The following ADARB2 variants were observed in gnomAD, a reference collection of about 807,000 sequenced individuals.
ADARB2 encodes the protein inactive double-stranded RNA-specific editase B2.
In ADARB2, 25 loss-of-function variants were observed where a neutral mutation model predicts 62.2. The ratio of observed to expected loss-of-function variants is 0.40; its 90% CI spans 0.29 to 0.56. ADARB2 has a LOEUF of 0.56. Ranked by LOEUF, ADARB2 falls within the 20% of genes least tolerant of loss-of-function variation. The pLI is 0.43. For missense variants in ADARB2, 1,071 were observed against 1,077.4 expected (o/e 0.99, Z 0.08); for synonymous variants, 572 against 500.8 (o/e 1.14, Z -1.90).
chr10:1,697,727 C>T lies in ADARB2; in HGVS notation c.100+39324G>A, dbSNP rs147543466. On this transcript the variant is annotated intron_variant, in intron 1 of 9. Coordinates refer to ENST00000381312, the MANE Select transcript of ADARB2 (RefSeq NM_018702.4). ...GCAGTGTGAGTCCCCGGCGGGCTGA[C>T]GGAAAAGCCCGGAACCAGTTGGGGC... 5.3e-3 allele frequency among the ~76,000 whole-genome samples: 808 copies of T among 152,224 alleles called. 3 individuals are homozygous for T. The highest frequency in any genetic ancestry group is 0.027 in the Middle Eastern group (8 of 294).
At chr10:1,678,409 G>A (rs2119114590) in intron 1 of ADARB2, 1 of 880,460 alleles carries the variant, frequency 1.1e-6, no homozygotes, top group African/African-American at 1.8e-5. Flanking sequence ...GTGAGCGTCT[G>A]CGCACCTTCC....
chr10:1,402,010 CCT>C (rs1241084864), intron 1 of ADARB2, among the ~76,000 whole-genome samples: 1 of 152,180 alleles, frequency 6.6e-6, no homozygotes, highest in Non-Finnish European at 1.5e-5. Context: ...AAACACACAG[CCT>C]CTCTCATGAC....
chr10:1,688,184 T>A (rs1173308051), intron 1 of ADARB2, among the ~76,000 whole-genome samples: 3 of 152,122 alleles, frequency 2.0e-5, no homozygotes, highest in Admixed American at 2.0e-4. Context: ...ACCTGGGGGG[T>A]TGAGTCCCAG....
At chr10:1,359,215 G>A (rs1832226134) in intron 3 of ADARB2, among the ~76,000 whole-genome samples, 1 of 152,204 alleles carries the variant, frequency 6.6e-6, no homozygotes, top group African/African-American at 2.4e-5. Context: ...GAGCCAGGCA[G>A]GTGCACCTGA....
intron 1 of ADARB2, among the ~76,000 whole-genome samples, chr10:1,443,678 C>T (rs1295835457): frequency 2.0e-5 from 3 of 152,044 alleles, no homozygotes; most frequent in Non-Finnish European, 4.4e-5. Context: ...GCTGATTTCG[C>T]AGCTAATTCC....
At chr10:1,646,987 C>T (rs1480662010) in intron 1 of ADARB2, among the ~76,000 whole-genome samples, 1 of 152,186 alleles carries the variant, frequency 6.6e-6, no homozygotes. Context: ...GGAAAGGCCC[C>T]ACCATTTTTG....
intron 1 of ADARB2, among the ~76,000 whole-genome samples, chr10:1,485,614 C>G (rs1444629907): frequency 6.6e-6 from 1 of 152,222 alleles, no homozygotes; most frequent in African/African-American, 2.4e-5. Flanking sequence ...CTCTCCTGGT[C>G]TGATCCACAA....
chr10:1,233,177 C>T (rs567399349), intron 6 of ADARB2, among the ~76,000 whole-genome samples: 2 of 152,246 alleles, frequency 1.3e-5, no homozygotes, highest in African/African-American at 2.4e-5. Flanking sequence ...GCAGGGGCTG[C>T]GTGGATGCGT....
intron 1 of ADARB2, among the ~76,000 whole-genome samples, chr10:1,707,959 A>G (rs1181372194): frequency 6.6e-6 from 1 of 152,190 alleles, no homozygotes; most frequent in Admixed American, 6.5e-5. Context: ...ATCATGAAAA[A>G]TACTGTATTC....
chr10:1,279,740 G>C (rs1375069852), intron 3 of ADARB2, among the ~76,000 whole-genome samples: 1 of 152,106 alleles, frequency 6.6e-6, no homozygotes, highest in African/African-American at 2.4e-5. Flanking sequence ...TCCTTTCCTT[G>C]TTGCCTCTTT....
chr10:1,464,962 T>A (rs890707035), intron 1 of ADARB2, among the ~76,000 whole-genome samples: 2 of 152,230 alleles, frequency 1.3e-5, no homozygotes, highest in Admixed American at 1.3e-4. Flanking sequence ...CCACAGTGGC[T>A]TGGTTCATCG....
At chr10:1,651,868 C>T (rs1005241795) in intron 1 of ADARB2, among the ~76,000 whole-genome samples, 2 of 152,160 alleles carry the variant, frequency 1.3e-5, no homozygotes, top group Non-Finnish European at 2.9e-5. Context: ...AGGGTTGGTT[C>T]CCAGTGGGAG....
intron 1 of ADARB2, among the ~76,000 whole-genome samples, chr10:1,463,633 A>C (rs1285330069): frequency 6.6e-6 from 1 of 152,214 alleles, no homozygotes; most frequent in Non-Finnish European, 1.5e-5. Flanking sequence ...TTCTGTCTCA[A>C]CTTGTGCTAC....
At chr10:1,191,496 A>G (rs1836845289) in intron 8 of ADARB2, among the ~76,000 whole-genome samples, 1 of 152,102 alleles carries the variant, frequency 6.6e-6, no homozygotes, top group African/African-American at 2.4e-5. Flanking sequence ...TTTTTTTAGT[A>G]ATTGCTCCCA....
intron 1 of ADARB2, among the ~76,000 whole-genome samples, chr10:1,721,296 T>C (rs1835089280): frequency 6.6e-6 from 1 of 152,240 alleles, no homozygotes; most frequent in Non-Finnish European, 1.5e-5. Flanking sequence ...AGGTGACATT[T>C]TGCTGTATGT....
chr10:1,360,544 T>C (rs556211889), intron 3 of ADARB2, among the ~76,000 whole-genome samples: 61 of 152,334 alleles, frequency 4.0e-4, no homozygotes, highest in African/African-American at 1.4e-3. Context: ...CTTTTCATTT[T>C]TTCCCCCTGA....
intron 7 of ADARB2, among the ~76,000 whole-genome samples, chr10:1,201,364 A>G: frequency 9.1e-6 from 1 of 109,454 alleles, no homozygotes; most frequent in East Asian, 3.7e-4. Context: ...TACAATTTAA[A>G]CAGTCATTGA....
intron 1 of ADARB2, among the ~76,000 whole-genome samples, chr10:1,483,354 G>T (rs533559894): frequency 6.6e-6 from 1 of 152,142 alleles, no homozygotes; most frequent in African/African-American, 2.4e-5. Flanking sequence ...AGGAAACCCC[G>T]TTACTGAAAC....
chr10:1,259,258 A>C (rs1831111008), intron 4 of ADARB2, among the ~76,000 whole-genome samples: 1 of 152,198 alleles, frequency 6.6e-6, no homozygotes, highest in Admixed American at 6.5e-5. Context: ...GCAAGAGCAA[A>C]CACATTCAAA....
Sources: allele counts gnomAD v4.1 joint callset (sites outside exome capture counted in the v4.1 genomes callset), GRCh38; gene constraint gnomAD v4.1.1; transcripts MANE v1.5; gene names NCBI Gene and HGNC (gene_info 2026-07-23, HGNC 2026-07-21).